The following OXNAD1 variants were observed in gnomAD, a reference collection of about 807,000 sequenced individuals.
OXNAD1 encodes oxidoreductase NAD-binding domain-containing protein 1.
Under a neutral mutation model 32.9 loss-of-function variants are expected in OXNAD1, and 34 were observed. The ratio of observed to expected loss-of-function variants is 1.03; its 90% CI spans 0.79 to 1.38. The LOEUF is 1.38. Among genes scored for constraint, OXNAD1 ranks in the 40% most tolerant of loss-of-function variants. The pLI, the probability that OXNAD1 is intolerant of heterozygous loss-of-function variation, is 0.00. For missense variants in OXNAD1, 407 were observed against 379.4 expected, an observed-to-expected ratio of 1.07 and a Z score of -0.60; for synonymous variants, 134 against 135.2, an observed-to-expected ratio of 0.99 and a Z score of 0.06.
chr3:16,337,108 C>G lies in OXNAD1; in HGVS notation c.*31-4C>G, dbSNP rs1165046251. 2 of 152,236 alleles carry G rather than the reference C, an allele frequency of 1.3e-5. No homozygotes were observed. The highest frequency in any genetic ancestry group is 4.8e-5 in the African/African-American group (2 of 41,452). The allele number at this position is 152,236 out of a possible 1,614,324, so 9.4% of individuals were successfully genotyped here. A position where few individuals can be genotyped will look rare whatever the true frequency, so the allele number is the denominator to read the frequency against. On this transcript the variant is annotated splice_region_variant and splice_polypyrimidine_tract_variant and intron_variant, in intron 9 of 9. Transcript: ENST00000435829. The surrounding 1 kb of genome is among the most constrained non-coding windows in gnomAD (Gnocchi z 5.0). ...GAGCCTTGCTGTTTCTGCTCACTCT[C>G]CAGGAACCCTGCCTACGCCATGAGG...
In OXNAD1 at chr3:16,304,806, TTCTTA is replaced by T. The variant is rs1010840664; in HGVS notation, c.*1249_*1253del. Reference sequence around the variant, plus strand: ...CGGATGAGAGAAGACAGGTTACCCTTTCTTATCTTTGTTGTTGCAGGCCTCCCAGG... The same window carrying T: ...CGGATGAGAGAAGACAGGTTACCCTTTCTTTGTTGTTGCAGGCCTCCCAGG... On this transcript the variant is annotated 3_prime_UTR_variant, in exon 9 of 9. Transcript: ENST00000285083. This position sits in a 1 kb window ranked among gnomAD's most constrained non-coding sequence, Gnocchi z 4.6. The T allele has an allele frequency of 2.0e-5, 3 of 152,220 alleles. No homozygotes were observed. Among genetic ancestry groups the T allele is most frequent in the Admixed American group, 6.5e-5 (1 of 15,274 alleles). The allele number at this position is 152,220 out of a possible 1,614,324, so 9.4% of individuals were successfully genotyped here.
rs2066852294 is a variant in OXNAD1, at chr3:16,297,079, A to T, written c.432+2082A>T. ...ACAGACTAGGAGAAAATATTTACAA[A>T]TCAGATATCTAACAAAGGGCTTGAA... On this transcript the variant is annotated intron_variant, in intron 6 of 8. Transcript: ENST00000285083. The surrounding 1 kb of genome is among the most constrained non-coding windows in gnomAD (Gnocchi z 4.3). Among the ~76,000 whole-genome samples, 1 of 152,262 alleles carries T rather than the reference A, an allele frequency of 6.6e-6. No individual in the cohort carries two copies. Among genetic ancestry groups the T allele is most frequent in the Non-Finnish European group, 1.5e-5 (1 of 68,044 alleles).
rs140195575 is a variant in OXNAD1 at position 16,321,511 on chromosome 3, C to T, written c.*31-15601C>T. On this transcript the variant is annotated intron_variant, in intron 9 of 9. Transcript: ENST00000435829. The surrounding 1 kb of genome is among the most constrained non-coding windows in gnomAD (Gnocchi z 4.8). ...GGGACACAGGCCTGTGGGAGTAGGA[C>T]GCTGACCCTTGTCAGCTGAGGAGTG... Among the ~76,000 whole-genome samples, 3,571 of 152,200 alleles carry T rather than the reference C, an allele frequency of 0.023. 62 individuals are homozygous for T. Among genetic ancestry groups the T allele is most frequent in the Middle Eastern group, 0.068 (20 of 294 alleles).
At chr3:16,319,065 C>T (rs1040981887) in intron 9 of OXNAD1, among the ~76,000 whole-genome samples, 11 of 152,326 alleles carry the variant, frequency 7.2e-5, no homozygotes, top group South Asian at 6.2e-4. Flanking sequence ...TGTTATGGTT[C>T]GTAACTGCTG....
rs1280087594 is a variant in OXNAD1, at chr3:16,316,855, T to C, written c.*30+13263T>C. On this transcript the variant is annotated intron_variant, in intron 9 of 9. Transcript: ENST00000435829. This position sits in a 1 kb window ranked among gnomAD's most constrained non-coding sequence, Gnocchi z 4.5. ...AGTTTTCTTCAACCGTACCAAGCTC[T>C]CTGACTTCCTCAGCATCCCCGTCCC... is the stretch of plus-strand genomic sequence containing the variant. The C allele has an allele frequency of 6.2e-7, 1 of 1,614,036 alleles. No homozygotes were observed. The highest frequency in any genetic ancestry group is 8.5e-7 in the Non-Finnish European group (1 of 1,180,032).
Position 16,302,829 on chromosome 3 carries a change from T to C in OXNAD1, c.784+81T>C, listed in dbSNP as rs751152608. Reference sequence around the variant, plus strand: ...CAGTTGGTTGAGCGTAGATGCTTTATTGTTGGAAGCTGCTGGCTGGGAATG... The same window carrying C: ...CAGTTGGTTGAGCGTAGATGCTTTACTGTTGGAAGCTGCTGGCTGGGAATG... On this transcript the variant is annotated intron_variant, in intron 8 of 8. Transcript: ENST00000285083. The surrounding 1 kb of genome is among the most constrained non-coding windows in gnomAD (Gnocchi z 4.2). The C allele has an allele frequency of 1.4e-5, 15 of 1,041,186 alleles. No homozygotes were observed. Among genetic ancestry groups the C allele is most frequent in the Admixed American group, 6.7e-5 (3 of 44,456 alleles). The allele number at this position is 1,041,186 out of a possible 1,614,324, so 64.5% of individuals were successfully genotyped here. A position where few individuals can be genotyped will look rare whatever the true frequency, so the allele number is the denominator to read the frequency against.
chr3:16,265,442 AT>A lies in OXNAD1; in HGVS notation c.-219del, dbSNP rs1281015363. On this transcript the variant is annotated 5_prime_UTR_variant, in exon 1 of 9. Coordinates refer to ENST00000285083, the MANE Select transcript of OXNAD1 (RefSeq NM_138381.5). The surrounding 1 kb of genome is among the most constrained non-coding windows in gnomAD (Gnocchi z 4.8). ...GTGACGGACGAACAGTTCCCGTAGA[AT>A]TTCGCTTCACCGAGTGACCTTGAGC... is the stretch of plus-strand genomic sequence containing the variant. 1 of 153,386 alleles carries A rather than the reference AT, an allele frequency of 6.5e-6. No individual in the cohort carries two copies. Among genetic ancestry groups the A allele is most frequent in the East Asian group, 1.9e-4 (1 of 5,194 alleles). The allele number at this position is 153,386 out of a possible 1,614,324, so 9.5% of individuals were successfully genotyped here.
exon 10 of OXNAD1, chr3:16,349,387 C>T (rs2071942506): frequency 6.6e-6 from 1 of 152,086 alleles, no homozygotes; most frequent in Admixed American, 6.5e-5. Context: ...GAAGGGGGTA[C>T]CTGAGCCTCC....
rs1424838127 is a variant in OXNAD1 at position 16,289,171 on chromosome 3, A to G, written c.290+2723A>G. 6.6e-6 allele frequency among the ~76,000 whole-genome samples: 1 copy of G among 152,214 alleles called. No homozygotes were observed. Among genetic ancestry groups the G allele is most frequent in the East Asian group, 1.9e-4 (1 of 5,202 alleles). ...TTGATTTTAGCTTTTGTTATTGCTA[A>G]TAAGTATTTCATTCAGTTAGATCAT... On this transcript the variant is annotated intron_variant, in intron 5 of 8. Transcript: ENST00000285083. This position sits in a 1 kb window ranked among gnomAD's most constrained non-coding sequence, Gnocchi z 4.9.
At chr3:16,267,955 A>C (rs1487320393) in intron 1 of OXNAD1, among the ~76,000 whole-genome samples, 1 of 152,240 alleles carries the variant, frequency 6.6e-6, no homozygotes, top group East Asian at 1.9e-4. Flanking sequence ...AGTTTTATTT[A>C]GCACTTATTA....
In OXNAD1 at chr3:16,287,315, G is replaced by A. The variant is rs2066141229; in HGVS notation, c.290+867G>A. 6.6e-6 allele frequency among the ~76,000 whole-genome samples: 1 copy of A among 152,196 alleles called. No individual in the cohort carries two copies. Among genetic ancestry groups the A allele is most frequent in the Admixed American group, 6.5e-5 (1 of 15,272 alleles). On this transcript the variant is annotated intron_variant, in intron 5 of 8. Transcript: ENST00000285083. The surrounding 1 kb of genome is among the most constrained non-coding windows in gnomAD (Gnocchi z 4.8). ...TGGAAATGTGGTTTTGTTAGAAGGA[G>A]GATGTGTGATAATAGCAAGTGTGAT...
Position 16,345,809 on chromosome 3 carries a change from T to C in OXNAD1, c.*31-3367T>C. Among the ~76,000 whole-genome samples, 1 of 85,842 alleles carries C rather than the reference T, an allele frequency of 1.2e-5. No homozygotes were observed. The highest frequency in any genetic ancestry group is 3.6e-4 in the South Asian group (1 of 2,752). The allele number at this position is 85,842 out of a possible 152,430, so 56.3% of individuals were successfully genotyped here. ...ATCTCTGTGTGTGTGTGTGTGTGTG[T>C]GTGTGTGTGCGCGCGCGCGTGCGCG... On this transcript the variant is annotated intron_variant, in intron 9 of 9. Coordinates refer to the OXNAD1 transcript ENST00000606098. The surrounding 1 kb of genome is among the most constrained non-coding windows in gnomAD (Gnocchi z 5.2).
rs1298796241 is a variant in OXNAD1 at position 16,329,154 on chromosome 3, TC to T, written c.*31-7954del. ...GCTACAAGTTCAGTCTCCTGCTCTC[TC>T]CCCTCTTTTCTGCGCTTCCGCCTCG... On this transcript the variant is annotated intron_variant, in intron 9 of 9. Coordinates refer to the OXNAD1 transcript ENST00000435829. This position sits in a 1 kb window ranked among gnomAD's most constrained non-coding sequence, Gnocchi z 4.5. Among the ~76,000 whole-genome samples, 2 of 152,190 alleles carry T rather than the reference TC, an allele frequency of 1.3e-5. No homozygotes were observed. Among genetic ancestry groups the T allele is most frequent in the African/African-American group, 4.8e-5 (2 of 41,444 alleles).
chr3:16,273,031 A>AT (rs2065064349), intron 4 of OXNAD1, among the ~76,000 whole-genome samples: 1 of 152,164 alleles, frequency 6.6e-6, no homozygotes. Flanking sequence ...AAAGAGCCAT[A>AT]GACAGTATGT....
intron 6 of OXNAD1, among the ~76,000 whole-genome samples, chr3:16,296,541 AGT>A (rs969479926): frequency 1.3e-5 from 2 of 152,238 alleles, no homozygotes; most frequent in African/African-American, 4.8e-5. Flanking sequence ...AGAAGAATAA[AGT>A]GAGAAGAATC....
At chr3:16,292,425 T>C (rs2066495596) in intron 5 of OXNAD1, among the ~76,000 whole-genome samples, 1 of 152,136 alleles carries the variant, frequency 6.6e-6, no homozygotes, top group Non-Finnish European at 1.5e-5. Context: ...ACTCCTGACC[T>C]CAGGTGATCC....
At chr3:16,308,452 A>AT (rs146256314), downstream of OXNAD1, among the ~76,000 whole-genome samples, 28 of 148,298 alleles carry the variant, frequency 1.9e-4, no homozygotes, top group Admixed American at 5.4e-4. The surrounding 1 kb of genome is among the most constrained non-coding windows in gnomAD (Gnocchi z 4.4). Context: ...TGTTGCTCCT[A>AT]TTTTTTTTTT....
downstream of OXNAD1, among the ~76,000 whole-genome samples, chr3:16,308,154 GGT>G (rs2067701958): frequency 6.6e-6 from 1 of 152,156 alleles, no homozygotes; most frequent in Admixed American, 6.5e-5. This position sits in a 1 kb window ranked among gnomAD's most constrained non-coding sequence, Gnocchi z 4.4. Flanking sequence ...AAGTGATAAA[GGT>G]ATCTTCTGGA....
At chr3:16,337,650 G>C (rs981390158), downstream of OXNAD1, among the ~76,000 whole-genome samples, 1 of 151,156 alleles carries the variant, frequency 6.6e-6, no homozygotes, top group African/African-American at 2.4e-5. The surrounding 1 kb of genome is among the most constrained non-coding windows in gnomAD (Gnocchi z 5.0). Flanking sequence ...GCTGAGGCAG[G>C]AGAATCGCTT....
Sources: allele counts gnomAD v4.1 joint callset (sites outside exome capture counted in the v4.1 genomes callset), GRCh38; gene constraint gnomAD v4.1.1; non-coding constraint Gnocchi (gnomAD v3.1); transcripts MANE v1.5; gene names NCBI Gene and HGNC (gene_info 2026-07-23, HGNC 2026-07-21).